The following R3HDM2 variants were observed in gnomAD, a reference collection of about 807,000 sequenced individuals.
The protein encoded by R3HDM2 is R3H domain-containing protein 2.
A neutral mutation model predicts 124.5 loss-of-function variants in R3HDM2; 38 were observed. That is an observed-to-expected ratio of 0.31 (90% CI 0.24 to 0.40). R3HDM2 has a LOEUF of 0.40. Among genes scored for constraint, R3HDM2 ranks in the 10% least tolerant of loss-of-function variants. R3HDM2 has a pLI of 1.00. For missense variants in R3HDM2, 869 were observed against 1,236.9 expected (o/e 0.70, Z 4.46); for synonymous variants, 391 against 448.0 (o/e 0.87, Z 1.61).
At chr12:57,367,009 TG>T (rs144656525) in intron 2 of R3HDM2, among the ~76,000 whole-genome samples, 3,965 of 152,242 alleles carry the variant, frequency 0.026, 164 homozygotes, top group African/African-American at 0.09. Context: ...TGAGACTTAG[TG>T]ACTTAGAAAT....
At chr12:57,260,741 A>C (rs1208112479) in intron 19 of R3HDM2, among the ~76,000 whole-genome samples, 1 of 152,116 alleles carries the variant, frequency 6.6e-6, no homozygotes, top group Non-Finnish European at 1.5e-5. Context: ...TCATGGCTCG[A>C]TGCTCCAGGG....
intron 19 of R3HDM2, among the ~76,000 whole-genome samples, chr12:57,260,282 A>AAAAAAAAAAAAAAAAAAAAAAC: frequency 6.8e-6 from 1 of 147,804 alleles, no homozygotes; most frequent in Non-Finnish European, 1.5e-5. Context: ...AAAAAAAAAA[A>AAAAAAAAAAAAAAAAAAAAAAC]AAAGCCTGCT....
chr12:57,386,328 G>A (rs891512092), intron 2 of R3HDM2, among the ~76,000 whole-genome samples: 13 of 152,218 alleles, frequency 8.5e-5, no homozygotes, highest in East Asian at 1.9e-4. Flanking sequence ...GCACGGGCGG[G>A]AACCGAGGCT....
chr12:57,418,297 A>G (rs552315974), intron 1 of R3HDM2: 3 of 985,128 alleles, frequency 3.0e-6, no homozygotes, highest in African/African-American at 3.5e-5. Flanking sequence ...CCTCTCCTCT[A>G]TTCTCATTAC....
At position 57,268,324 on chromosome 12, in the gene R3HDM2, G is replaced by A. The variant is rs1259671014; in HGVS notation, c.2009C>T (p.Pro670Leu). The change falls in exon 18 of 24, where the codon CCT becomes CTT. Residue 670 changes from proline (P) to leucine (L), a missense_variant. This residue lies in a region of R3HDM2 where 602 missense variants were observed against 789.2 expected (regional missense o/e 0.76). Coordinates refer to ENST00000402412, the MANE Select transcript of R3HDM2 (RefSeq NM_001394031.1). ...TCACCTCGTACCGTTCTGCTGAGCA[G>A]GTGGGATCATGCTATAGTACACTGG... ...GVPVYYSMIP[P>L]AQQNGTSPSV... is the part of the protein sequence containing the mutation. 4 of 1,613,876 alleles carry A rather than the reference G, an allele frequency of 2.5e-6. No individual in the cohort carries two copies. The highest frequency in any genetic ancestry group is 3.4e-6 in the Non-Finnish European group (4 of 1,179,936).
At chr12:57,336,654 G>A (rs1214639976) in intron 2 of R3HDM2, among the ~76,000 whole-genome samples, 3 of 151,900 alleles carry the variant, frequency 2.0e-5, no homozygotes, top group African/African-American at 7.3e-5. Flanking sequence ...TACACACTGG[G>A]GTCTACATGA....
In R3HDM2 at chr12:57,296,919, C is replaced by T. The variant is rs2050018557; in HGVS notation, c.561-368G>A. On this transcript the variant is annotated intron_variant, in intron 8 of 23. Transcript: ENST00000402412. The surrounding 1 kb of genome is among the most constrained non-coding windows in gnomAD (Gnocchi z 4.5). ...TCTCTACAAAAAATACAAAAATTAG[C>T]TAGGCATGTGCCTGTCATCCCAGCT... is the stretch of plus-strand genomic sequence containing the variant. 4.6e-6 allele frequency: 1 copy of T among 219,120 alleles called. No homozygotes were observed. Among genetic ancestry groups the T allele is most frequent in the Non-Finnish European group, 9.1e-6 (1 of 110,212 alleles). The allele number at this position is 219,120 out of a possible 1,614,324, so 13.6% of individuals were successfully genotyped here.
At chr12:57,408,560 G>A (rs982081881) in intron 1 of R3HDM2, among the ~76,000 whole-genome samples, 4 of 151,918 alleles carry the variant, frequency 2.6e-5, no homozygotes, top group African/African-American at 4.8e-5. Flanking sequence ...GTTAAACCCT[G>A]TCTCTATTTA....
At position 57,343,177 on chromosome 12, in the gene R3HDM2, C is replaced by T. The variant is rs1307267320; in HGVS notation, c.-35-32714G>A. Among the ~76,000 whole-genome samples, 57 of 149,876 alleles carry T rather than the reference C, an allele frequency of 3.8e-4. 1 individual carries two copies. Among genetic ancestry groups the T allele is most frequent in the Admixed American group, 3.7e-3 (55 of 15,032 alleles). On this transcript the variant is annotated intron_variant, in intron 2 of 23. Transcript: ENST00000402412. ...GAACGGCAAGCTTAGATATGACCCT[C>T]GGGTCTTAATTTTTTTTTTTTTTTT...
In R3HDM2 at chr12:57,427,689, G is replaced by T. The variant is rs530240914; in HGVS notation, c.-106+3031C>A. 3.9e-5 allele frequency among the ~76,000 whole-genome samples: 6 copies of T among 151,922 alleles called. No individual in the cohort carries two copies. The South Asian group carries it at 8.3e-4, about 21-fold the overall frequency. ...TAGGGGAGATTAAAATATATAATACGTTATAGGTTGATAAGGGTTAAGGCA... is the reference window on the plus strand; with the variant it reads ...TAGGGGAGATTAAAATATATAATACTTTATAGGTTGATAAGGGTTAAGGCA... On this transcript the variant is annotated intron_variant, in intron 1 of 23. Transcript: ENST00000402412.
intron 1 of R3HDM2, among the ~76,000 whole-genome samples, chr12:57,407,332 T>C (rs1462695156): frequency 1.3e-5 from 2 of 152,000 alleles, no homozygotes; most frequent in Admixed American, 1.3e-4. Flanking sequence ...ATTTTAAACA[T>C]ATAAGCTACT....
At chr12:57,355,469 A>AG (rs1000937947) in intron 2 of R3HDM2, among the ~76,000 whole-genome samples, 1 of 150,896 alleles carries the variant, frequency 6.6e-6, no homozygotes, top group African/African-American at 2.4e-5. Context: ...AAAAAAAAAA[A>AG]AAAGAAAGAA....
intron 1 of R3HDM2, among the ~76,000 whole-genome samples, chr12:57,423,808 TAAAAAAAAAAAA>T (rs57587261): frequency 1.9e-5 from 1 of 51,422 alleles, no homozygotes; most frequent in Admixed American, 3.0e-4. Flanking sequence ...CTGTCTCAAT[TAAAAAAAAAAAA>T]AAAAAAAAAA....
At chr12:57,315,871 G>C (rs1006162695) in intron 2 of R3HDM2, among the ~76,000 whole-genome samples, 2 of 152,206 alleles carry the variant, frequency 1.3e-5, no homozygotes, top group Admixed American at 6.5e-5. Flanking sequence ...TACAGTCAGA[G>C]CACTTTGGGA....
chr12:57,407,715 AT>A (rs770505522), intron 1 of R3HDM2, among the ~76,000 whole-genome samples: 5 of 151,822 alleles, frequency 3.3e-5, no homozygotes, highest in Non-Finnish European at 7.4e-5. Flanking sequence ...TGGAATTATT[AT>A]TTTAAACGGG....
In R3HDM2 at chr12:57,281,429, T is replaced by C. The variant is rs561002596; in HGVS notation, c.1172-899A>G. Among the ~76,000 whole-genome samples the C allele has an allele frequency of 1.4e-4, 22 of 152,220 alleles. No homozygotes were observed. In the Middle Eastern group the frequency reaches 0.01, roughly 71 times the overall value. On this transcript the variant is annotated intron_variant, in intron 13 of 23. Coordinates refer to ENST00000402412, the MANE Select transcript of R3HDM2 (RefSeq NM_001394031.1). ...ACTTTACTATGTGCCAAGCACTGTA[T>C]AATGAACTAAAGACATAAAGATGAG...
At chr12:57,279,658 A>G (rs2045694434) in intron 14 of R3HDM2, among the ~76,000 whole-genome samples, 1 of 151,878 alleles carries the variant, frequency 6.6e-6, no homozygotes, top group South Asian at 2.1e-4. Context: ...TAATAACAAT[A>G]CATTTTTTAA....
chr12:57,356,801 T>G (rs1029807947), intron 2 of R3HDM2, among the ~76,000 whole-genome samples: 1 of 152,232 alleles, frequency 6.6e-6, no homozygotes, highest in African/African-American at 2.4e-5. Flanking sequence ...TCATGAAATG[T>G]GTCCATTTAA....
At chr12:57,257,356 G>T (rs897292674) in intron 21 of R3HDM2, among the ~76,000 whole-genome samples, 32 of 152,272 alleles carry the variant, frequency 2.1e-4, no homozygotes, top group African/African-American at 7.5e-4. Context: ...TTATAGCAAT[G>T]CCTGGTACAT....
Sources: allele counts gnomAD v4.1 joint callset (sites outside exome capture counted in the v4.1 genomes callset), GRCh38; gene constraint gnomAD v4.1.1; regional missense constraint gnomAD v4.1.1; non-coding constraint Gnocchi (gnomAD v3.1); transcripts MANE v1.5; gene names NCBI Gene and HGNC (gene_info 2026-07-23, HGNC 2026-07-21).